The following RBMS3 variants were observed in gnomAD, a reference collection of about 807,000 sequenced individuals.
RBMS3 encodes RNA binding motif single stranded interacting protein 3, also known as RNA-binding motif, single-stranded-interacting protein 3.
RBMS3 carries 27 observed loss-of-function variants against 66.8 expected under a neutral mutation model. The ratio of observed to expected loss-of-function variants is 0.40; its 90% CI spans 0.30 to 0.56. The LOEUF (loss-of-function observed/expected upper bound fraction) is 0.56, where lower values mean the gene tolerates loss of function less well. Ranked by LOEUF, RBMS3 falls within the 20% of genes least tolerant of loss-of-function variation. The pLI, the probability that RBMS3 is intolerant of heterozygous loss-of-function variation, is 0.40. For synonymous variants in RBMS3, 188 were observed against 183.0 expected, an observed-to-expected ratio of 1.03 and a Z score of -0.22; for missense variants, 513 against 549.5, an observed-to-expected ratio of 0.93 and a Z score of 0.66.
At chr3:29,339,062 C>T (rs2036128638) in intron 1 of RBMS3, among the ~76,000 whole-genome samples, 1 of 152,192 alleles carries the variant, frequency 6.6e-6, no homozygotes. Context: ...CCAGGATCCT[C>T]TAACTCTTGT....
At chr3:29,973,105 T>C (rs1697329390) in intron 12 of RBMS3, among the ~76,000 whole-genome samples, 2 of 152,066 alleles carry the variant, frequency 1.3e-5, no homozygotes, top group Non-Finnish European at 2.9e-5. Context: ...ATTTAAAGAC[T>C]GATAATAAAT....
intron 4 of RBMS3, among the ~76,000 whole-genome samples, chr3:29,605,366 AT>A (rs1431684849): frequency 2.0e-5 from 3 of 151,958 alleles, no homozygotes; most frequent in African/African-American, 7.2e-5. Flanking sequence ...ACATTTCAAT[AT>A]ATAGAATCAT....
chr3:30,002,404 T>C lies in RBMS3; in HGVS notation c.1308-1452T>C, dbSNP rs896195361. Among the ~76,000 whole-genome samples the C allele has an allele frequency of 5.3e-5, 8 of 151,560 alleles. No homozygotes were observed. The East Asian group carries it at 5.8e-4, about 11-fold the overall frequency. On this transcript the variant is annotated intron_variant, in intron 14 of 14. Coordinates refer to ENST00000383767, the MANE Select transcript of RBMS3 (RefSeq NM_001003793.3). ...GACTCTCCCCCAACACACACACACA[T>C]ACACACACAACTATATAACCAAGAA...
chr3:29,391,509 T>G (rs555218334), intron 1 of RBMS3, among the ~76,000 whole-genome samples: 27 of 152,298 alleles, frequency 1.8e-4, no homozygotes, highest in Non-Finnish European at 3.4e-4. Context: ...GAAAGGAGAT[T>G]AAGACTTTGA....
At chr3:29,441,529 C>T (rs1036028305) in intron 2 of RBMS3, among the ~76,000 whole-genome samples, 60 of 152,126 alleles carry the variant, frequency 3.9e-4, no homozygotes, top group African/African-American at 1.4e-3. Context: ...CAAATTTATG[C>T]AGCCACCATA....
intron 3 of RBMS3, among the ~76,000 whole-genome samples, chr3:29,580,754 C>G (rs2047301655): frequency 6.6e-6 from 1 of 151,448 alleles, no homozygotes; most frequent in Non-Finnish European, 1.5e-5. Flanking sequence ...TAATAATAGG[C>G]AAATTCTTGT....
At chr3:29,728,048 C>T (rs901427439) in intron 4 of RBMS3, among the ~76,000 whole-genome samples, 1 of 152,142 alleles carries the variant, frequency 6.6e-6, no homozygotes, top group Non-Finnish European at 1.5e-5. Flanking sequence ...GAGTTCATGT[C>T]CTTTGCGGGG....
At chr3:29,338,058 G>A (rs2036056917) in intron 1 of RBMS3, among the ~76,000 whole-genome samples, 1 of 152,124 alleles carries the variant, frequency 6.6e-6, no homozygotes. Flanking sequence ...GTGACAGAAA[G>A]CCTCAAGACC....
chr3:29,503,006 C>G (rs1040463821), intron 3 of RBMS3, among the ~76,000 whole-genome samples: 23 of 152,138 alleles, frequency 1.5e-4, no homozygotes, highest in Non-Finnish European at 2.9e-4. Flanking sequence ...GGAGGCCACT[C>G]TATCCCAATT....
At chr3:29,968,538 T>A (rs575889380) in intron 12 of RBMS3, among the ~76,000 whole-genome samples, 1 of 140,100 alleles carries the variant, frequency 7.1e-6, no homozygotes, top group South Asian at 2.3e-4. Context: ...CCTCTATCCC[T>A]GTATTTCACT....
chr3:29,585,955 T>G (rs1306794375), intron 3 of RBMS3, among the ~76,000 whole-genome samples: 1 of 152,100 alleles, frequency 6.6e-6, no homozygotes, highest in African/African-American at 2.4e-5. Context: ...ATTAAAAAGT[T>G]AATTAAAAGA....
intron 3 of RBMS3, among the ~76,000 whole-genome samples, chr3:29,518,007 AG>A (rs1200117331): frequency 6.6e-6 from 1 of 152,200 alleles, no homozygotes; most frequent in African/African-American, 2.4e-5. Flanking sequence ...GTAGCTAAAA[AG>A]GCAAAAAGTA....
intron 1 of RBMS3, among the ~76,000 whole-genome samples, chr3:29,432,564 CCT>C (rs1245621196): frequency 2.6e-5 from 4 of 152,032 alleles, no homozygotes; most frequent in African/African-American, 7.3e-5. Flanking sequence ...TATATAGTAA[CCT>C]AAATATTTCT....
At position 29,595,164 on chromosome 3, in the gene RBMS3, C is replaced by T. The variant is rs547602784; in HGVS notation, c.399+7959C>T. Among the ~76,000 whole-genome samples the T allele has an allele frequency of 1.0e-3, 156 of 151,866 alleles. 1 individual carries two copies. The Middle Eastern group carries it at 0.017, about 17-fold the overall frequency. ...CTGTAATCCCAGCACTTTGGGAGGC[C>T]GAGGCAGGAGGATCACAAGGTCAGG... On this transcript the variant is annotated intron_variant, in intron 4 of 14. Coordinates refer to ENST00000383767, the MANE Select transcript of RBMS3 (RefSeq NM_001003793.3).
At chr3:29,410,872 T>C (rs2040238285) in intron 1 of RBMS3, among the ~76,000 whole-genome samples, 1 of 151,830 alleles carries the variant, frequency 6.6e-6, no homozygotes. Context: ...TGTTGGAAGG[T>C]TTTGGGAAAG....
intron 4 of RBMS3, among the ~76,000 whole-genome samples, chr3:29,686,952 T>C (rs939925719): frequency 6.6e-6 from 1 of 152,178 alleles, no homozygotes; most frequent in African/African-American, 2.4e-5. Flanking sequence ...GCCCTTATCT[T>C]TCTTCTCTAA....
At chr3:29,971,633 TTCAC>T (rs1426152529) in intron 12 of RBMS3, among the ~76,000 whole-genome samples, 1 of 152,158 alleles carries the variant, frequency 6.6e-6, no homozygotes, top group African/African-American at 2.4e-5. Context: ...TAATTATTCA[TTCAC>T]TCACTCATTC....
At chr3:29,824,164 G>A (rs2058144982) in intron 6 of RBMS3, among the ~76,000 whole-genome samples, 1 of 125,984 alleles carries the variant, frequency 7.9e-6, no homozygotes, top group Admixed American at 9.3e-5. Flanking sequence ...TAACCTCCAA[G>A]GTAATGGTAT....
intron 3 of RBMS3, among the ~76,000 whole-genome samples, chr3:29,536,567 C>T (rs2045565392): frequency 6.6e-6 from 1 of 152,158 alleles, no homozygotes. Context: ...CTACCATAAC[C>T]TTGCAAGGGG....
Sources: gnomAD v4.1 joint callset for allele counts (sites outside exome capture counted in the v4.1 genomes callset) on GRCh38, gnomAD v4.1.1 for gene constraint, MANE v1.5 for transcripts, NCBI Gene and HGNC (gene_info 2026-07-23, HGNC 2026-07-21) for gene names.